The following SLC39A10 variants were observed in gnomAD, a reference collection of about 807,000 sequenced individuals.
SLC39A10 encodes zinc transporter ZIP10.
In SLC39A10, 13 loss-of-function variants were observed where a neutral mutation model predicts 65.1. The observed-to-expected ratio is 0.20, with a 90% CI of 0.13 to 0.32. The LOEUF (loss-of-function observed/expected upper bound fraction) is 0.32, where lower values mean the gene tolerates loss of function less well. SLC39A10 is among the 10% of genes least tolerant of loss of function. SLC39A10 has a pLI of 1.00. For missense variants in SLC39A10, 831 were observed against 1,018.4 expected, an observed-to-expected ratio of 0.82 and a Z score of 2.50; for synonymous variants, 321 against 342.2, an observed-to-expected ratio of 0.94 and a Z score of 0.68.
chr2:195,650,409 C>A (rs1689008739), intron 2 of SLC39A10, among the ~76,000 whole-genome samples: 1 of 151,866 alleles, frequency 6.6e-6, no homozygotes, highest in Non-Finnish European at 1.5e-5. Flanking sequence ...TGCTTTTGTT[C>A]ATTCTTCTGA....
At chr2:195,617,826 G>T (rs1385898810) in intron 2 of SLC39A10, among the ~76,000 whole-genome samples, 4 of 151,198 alleles carry the variant, frequency 2.6e-5, no homozygotes, top group Non-Finnish European at 5.9e-5. Flanking sequence ...TGCAAGCTCT[G>T]CCTCCTAGGG....
intron 2 of SLC39A10, among the ~76,000 whole-genome samples, chr2:195,624,341 C>A (rs1479923617): frequency 7.0e-6 from 1 of 142,000 alleles, no homozygotes; most frequent in East Asian, 2.2e-4. Context: ...GAGCCGAAAT[C>A]GTGCCACTGC....
At chr2:195,645,986 A>T (rs1688906439) in intron 2 of SLC39A10, among the ~76,000 whole-genome samples, 1 of 152,080 alleles carries the variant, frequency 6.6e-6, no homozygotes, top group Non-Finnish European at 1.5e-5. Flanking sequence ...TCTGTGTCAA[A>T]AAAAAGGCTG....
intron 1 of SLC39A10, chr2:195,674,573 G>A (rs915973327): frequency 1.4e-5 from 14 of 985,124 alleles, no homozygotes; most frequent in African/African-American, 5.2e-5. Context: ...CACTGCACCC[G>A]GCCTGCTTTT....
chr2:195,681,827 GT>G lies in SLC39A10; in HGVS notation c.1008+779del, dbSNP rs545840645. Among the ~76,000 whole-genome samples, 164 of 152,148 alleles carry G rather than the reference GT, an allele frequency of 1.1e-3. 2 individuals carry two copies. Among genetic ancestry groups the G allele is most frequent in the African/African-American group, 3.8e-3 (156 of 41,518 alleles). On this transcript the variant is annotated intron_variant, in intron 2 of 9. Transcript: ENST00000359634. ...TGGGAAGTAACTAGAACAGTTTCTA[GT>G]TCATAAATTGTTAATTTATTGAATT...
intron 3 of SLC39A10, among the ~76,000 whole-genome samples, chr2:195,692,623 C>T (rs1690789895): frequency 6.6e-6 from 1 of 152,104 alleles, no homozygotes; most frequent in Admixed American, 6.5e-5. Context: ...GCGTTGAGTT[C>T]TTGATTTGAT....
At chr2:195,689,395 C>G (rs1484422577) in intron 3 of SLC39A10, among the ~76,000 whole-genome samples, 1 of 151,856 alleles carries the variant, frequency 6.6e-6, no homozygotes, top group African/African-American at 2.4e-5. Flanking sequence ...GTACTCCAAC[C>G]TGGATAACGA....
rs1178503941 is a variant in SLC39A10 at position 195,737,640 on chromosome 2, T to TTATG, written c.*2605_*2608dup. 8.1e-6 allele frequency: 2 copies of TTATG among 247,650 alleles called. No homozygotes were observed. Among genetic ancestry groups the TTATG allele is most frequent in the South Asian group, 8.8e-5 (1 of 11,408 alleles). 15.3% of individuals were successfully genotyped at this position (247,650 alleles called of 1,614,324 possible). ...TCATTGTCAACAGTGGTGTGTCATT[T>TTATG]TATGTATGTTCCTAATGCTTATGGA... On this transcript the variant is annotated 3_prime_UTR_variant, in exon 10 of 10. Transcript: ENST00000359634.
chr2:195,655,974 C>G (rs1002500106), upstream of SLC39A10, among the ~76,000 whole-genome samples: 1 of 152,188 alleles, frequency 6.6e-6, no homozygotes, highest in African/African-American at 2.4e-5. Flanking sequence ...CAACTCTTTT[C>G]TCTACCTGCT....
At chr2:195,642,389 C>A (rs1167266549) in intron 2 of SLC39A10, among the ~76,000 whole-genome samples, 1 of 152,204 alleles carries the variant, frequency 6.6e-6, no homozygotes, top group Non-Finnish European at 1.5e-5. Flanking sequence ...AATGCCCCCT[C>A]ACTTCTGCTT....
intron 2 of SLC39A10, among the ~76,000 whole-genome samples, chr2:195,629,519 T>G (rs1255687137): frequency 6.6e-6 from 1 of 152,128 alleles, no homozygotes; most frequent in Admixed American, 6.6e-5. Context: ...TCTCCTCTCT[T>G]TGACACTGCT....
In SLC39A10 at chr2:195,680,636, T is replaced by C. The variant is rs181134770; in HGVS notation, c.594T>C (p.Asn198=). ...LDHNNTHHFH[N]DSITPSERGE... Reference sequence around the variant, plus strand: ...ATAACAACACTCACCATTTTCATAATGATTCCATTACTCCCAGTGAGCGTG... The same window carrying C: ...ATAACAACACTCACCATTTTCATAACGATTCCATTACTCCCAGTGAGCGTG... Residue 198 remains asparagine, a synonymous_variant, in exon 2 of 10, where the codon AAT becomes AAC. Transcript: ENST00000359634. The C allele has an allele frequency of 1.4e-5, 23 of 1,614,156 alleles. No individual in the cohort carries two copies. In the East Asian group the frequency reaches 5.1e-4, roughly 36 times the overall value.
chr2:195,621,992 C>G (rs536533523), intron 2 of SLC39A10, among the ~76,000 whole-genome samples: 5 of 152,140 alleles, frequency 3.3e-5, no homozygotes, highest in Non-Finnish European at 7.3e-5. Flanking sequence ...TGAAATCTGT[C>G]TGGGTCTAAG....
rs1022307202 is a variant in SLC39A10 at position 195,728,422 on chromosome 2, A to T, written c.2337+73A>T. ...AAATCCTTGGAAGTGGTTTGAAGCC[A>T]AACTATTTTTGAAAATATAACTCAT... On this transcript the variant is annotated intron_variant, in intron 9 of 9. Transcript: ENST00000359634. The surrounding 1 kb of genome is among the most constrained non-coding windows in gnomAD (Gnocchi z 4.4). 4 of 1,389,316 alleles carry T rather than the reference A, an allele frequency of 2.9e-6. No individual in the cohort carries two copies. In the African/African-American group the frequency reaches 4.3e-5, roughly 15 times the overall value. 86.1% of individuals were successfully genotyped at this position (1,389,316 alleles called of 1,614,324 possible).
At chr2:195,669,215 G>T (rs1240204712) in intron 1 of SLC39A10, among the ~76,000 whole-genome samples, 1 of 151,992 alleles carries the variant, frequency 6.6e-6, no homozygotes, top group Non-Finnish European at 1.5e-5. Flanking sequence ...ACAATGTCTT[G>T]GTTTTTTCTA....
chr2:195,735,084 C>T lies in SLC39A10; in HGVS notation c.*43C>T, dbSNP rs1280453654. The T allele has an allele frequency of 6.3e-7, 1 of 1,581,982 alleles. No homozygotes were observed. The highest frequency in any genetic ancestry group is 8.6e-7 in the Non-Finnish European group (1 of 1,163,736). On this transcript the variant is annotated 3_prime_UTR_variant, in exon 10 of 10. Coordinates refer to ENST00000359634, the MANE Select transcript of SLC39A10 (RefSeq NM_020342.3). ...TGTTGATTACGAGAATGTTACCATG[C>T]AGCTTTGCATCTGTTCCTTGTACTG...
chr2:195,664,222 A>G (rs1374031980), intron 1 of SLC39A10, among the ~76,000 whole-genome samples: 5 of 152,158 alleles, frequency 3.3e-5, no homozygotes, highest in Admixed American at 1.3e-4. Context: ...GCGTAAACAC[A>G]AGTACTTAAG....
intron 5 of SLC39A10, among the ~76,000 whole-genome samples, chr2:195,711,711 G>T (rs1029640722): frequency 2.6e-5 from 4 of 152,194 alleles, no homozygotes; most frequent in Admixed American, 2.6e-4. Context: ...ACTTGTTTCA[G>T]CAAGTTGGGG....
At chr2:195,676,361 C>CTT (rs372606204) in intron 1 of SLC39A10, among the ~76,000 whole-genome samples, 6 of 142,432 alleles carry the variant, frequency 4.2e-5, no homozygotes, top group Admixed American at 2.8e-4. Context: ...GGCCTATAAG[C>CTT]TTTTTTTTTT....
Sources: gnomAD v4.1 joint callset for allele counts (sites outside exome capture counted in the v4.1 genomes callset) on GRCh38, gnomAD v4.1.1 for gene constraint, Gnocchi (gnomAD v3.1) non-coding constraint, MANE v1.5 for transcripts, NCBI Gene and HGNC (gene_info 2026-07-23, HGNC 2026-07-21) for gene names.